Variants in TLCD4 observed in about 807,000 individuals in gnomAD.
TLCD4 encodes the protein TLC domain containing 4.
TLCD4 carries 7 observed loss-of-function variants against 24.2 expected under a neutral mutation model. The ratio of observed to expected loss-of-function variants is 0.29; its 90% CI spans 0.16 to 0.54. The LOEUF (loss-of-function observed/expected upper bound fraction) is 0.54. TLCD4 is among the 20% of genes least tolerant of loss of function. The pLI, the probability that TLCD4 is intolerant of heterozygous loss-of-function variation, is 0.95. For synonymous variants in TLCD4, 103 were observed against 106.4 expected, an observed-to-expected ratio of 0.97 and a Z score of 0.20; for missense variants, 259 against 313.9, an observed-to-expected ratio of 0.82 and a Z score of 1.32.
chr1:95,119,826 A>C (rs1372828644), intron 1 of TLCD4, among the ~76,000 whole-genome samples: 1 of 151,756 alleles, frequency 6.6e-6, no homozygotes, highest in Non-Finnish European at 1.5e-5. Flanking sequence ...CTTCTTTCCA[A>C]ATTAGTCCCA....
intron 6 of TLCD4, among the ~76,000 whole-genome samples, chr1:95,174,488 T>C (rs1392199167): frequency 1.4e-5 from 2 of 144,214 alleles, no homozygotes; most frequent in Non-Finnish European, 3.0e-5. Context: ...CTGGGTAACA[T>C]TGTGAGATCC....
At chr1:95,183,454 C>T (rs1678717184) in intron 6 of TLCD4, among the ~76,000 whole-genome samples, 1 of 152,094 alleles carries the variant, frequency 6.6e-6, no homozygotes, top group African/African-American at 2.4e-5. Context: ...TTAGTGAGAG[C>T]TCGAGAGAGG....
chr1:95,196,980 T>C lies in TLCD4; in HGVS notation c.*5112T>C, dbSNP rs1003213508. ...TTTTTGGTATTAGAATTTGTAATAA[T>C]AATGACTTTTAGATTTTATTTGAAA... On this transcript the variant is annotated 3_prime_UTR_variant, in exon 7 of 7. Coordinates refer to ENST00000370203, the MANE Select transcript of TLCD4 (RefSeq NM_152487.3). 6.6e-6 allele frequency: 1 copy of C among 152,140 alleles called. No homozygotes were observed. The highest frequency in any genetic ancestry group is 1.5e-5 in the Non-Finnish European group (1 of 67,984). The allele number at this position is 152,140 out of a possible 1,614,324, so 9.4% of individuals were successfully genotyped here.
At chr1:95,133,807 A>T (rs1034834914) in intron 1 of TLCD4, among the ~76,000 whole-genome samples, 1 of 152,034 alleles carries the variant, frequency 6.6e-6, no homozygotes, top group Non-Finnish European at 1.5e-5. Flanking sequence ...CATGTGTGAC[A>T]TTCTGCAACA....
At chr1:95,128,319 G>A (rs1411616978) in intron 1 of TLCD4, among the ~76,000 whole-genome samples, 2 of 151,778 alleles carry the variant, frequency 1.3e-5, no homozygotes, top group Non-Finnish European at 2.9e-5. Flanking sequence ...CAAACCCCAA[G>A]TAAAGGAATA....
At chr1:95,165,827 T>C (rs1678001663) in intron 5 of TLCD4, among the ~76,000 whole-genome samples, 1 of 152,224 alleles carries the variant, frequency 6.6e-6, no homozygotes. Flanking sequence ...AGAGAACCAT[T>C]GTGTAACTGG....
chr1:95,122,282 C>T (rs1315873600), intron 1 of TLCD4, among the ~76,000 whole-genome samples: 1 of 152,200 alleles, frequency 6.6e-6, no homozygotes, highest in African/African-American at 2.4e-5. Context: ...ATCGCTTGAA[C>T]CTGGGGGCAG....
intron 5 of TLCD4, among the ~76,000 whole-genome samples, chr1:95,170,620 C>T (rs779607035): frequency 3.9e-5 from 6 of 152,066 alleles, no homozygotes; most frequent in African/African-American, 9.7e-5. Flanking sequence ...TGAGCCACTG[C>T]GCCCAGCCAT....
chr1:95,169,645 T>A (rs11490911), intron 5 of TLCD4, among the ~76,000 whole-genome samples: 2 of 147,678 alleles, frequency 1.4e-5, no homozygotes, highest in Non-Finnish European at 3.0e-5. Flanking sequence ...ATTTTTTTTT[T>A]ATTTTTAAAG....
chr1:95,107,151 C>T, the TLCD4 span, among the ~76,000 whole-genome samples: 217 of 152,120 alleles, frequency 1.4e-3, 1 homozygote, highest in Non-Finnish European at 2.4e-3. Flanking sequence ...AGGCCGGGCG[C>T]GGTGGCTCAC....
chr1:95,144,132 G>A lies in TLCD4; in HGVS notation c.155+76G>A, dbSNP rs1470336010. On this transcript the variant is annotated intron_variant, in intron 2 of 6. Coordinates refer to ENST00000370203, the MANE Select transcript of TLCD4 (RefSeq NM_152487.3). ...AAATTATTTAAAATATTTCAAAAAA[G>A]TATTTCATTTAGGATCTAATGTAAG... 3.2e-6 allele frequency: 4 copies of A among 1,258,398 alleles called. No homozygotes were observed. The African/African-American group carries it at 6.2e-5, about 20-fold the overall frequency. The allele number at this position is 1,258,398 out of a possible 1,614,324, so 78.0% of individuals were successfully genotyped here. A position where few individuals can be genotyped will look rare whatever the true frequency, so the allele number is the denominator to read the frequency against.
chr1:95,174,703 A>T (rs1045395747), intron 6 of TLCD4, among the ~76,000 whole-genome samples: 4 of 152,050 alleles, frequency 2.6e-5, no homozygotes, highest in African/African-American at 9.7e-5. Flanking sequence ...TTTTTAAAAG[A>T]CTACTTTTAT....
At chr1:95,102,869 T>C in the TLCD4 span, among the ~76,000 whole-genome samples, 1 of 152,096 alleles carries the variant, frequency 6.6e-6, no homozygotes, top group Non-Finnish European at 1.5e-5. Flanking sequence ...CAGCAAGAGC[T>C]AATTGAGAAA....
chr1:95,099,053 CA>C, the TLCD4 span, among the ~76,000 whole-genome samples: 20 of 70,658 alleles, frequency 2.8e-4, no homozygotes, highest in Admixed American at 6.8e-4. Context: ...AACTCTGTCT[CA>C]AAAAAAAAAA....
intron 5 of TLCD4, among the ~76,000 whole-genome samples, chr1:95,157,594 G>T (rs546905370): frequency 6.6e-6 from 1 of 152,318 alleles, no homozygotes; most frequent in Admixed American, 6.5e-5. Context: ...AGCCAGTTGG[G>T]CAGTCTTGCT....
At chr1:95,170,727 A>T (rs1678182324) in intron 5 of TLCD4, among the ~76,000 whole-genome samples, 1 of 152,118 alleles carries the variant, frequency 6.6e-6, no homozygotes, top group African/African-American at 2.4e-5. Context: ...TCCCCTCAAG[A>T]GTCATATTTT....
chr1:95,170,346 T>TC (rs1457957485), intron 5 of TLCD4, among the ~76,000 whole-genome samples: 1 of 151,072 alleles, frequency 6.6e-6, no homozygotes, highest in Non-Finnish European at 1.5e-5. Context: ...TTTTTTTTTT[T>TC]TTGAGAAGAG....
intron 1 of TLCD4, among the ~76,000 whole-genome samples, chr1:95,121,557 G>A (rs1676569887): frequency 1.3e-5 from 2 of 152,294 alleles, no homozygotes; most frequent in Non-Finnish European, 1.5e-5. Flanking sequence ...TGCAACTTCC[G>A]CCTCCCGGCT....
At chr1:95,138,649 A>G (rs1677110998) in intron 1 of TLCD4, 1 of 152,222 alleles carries the variant, frequency 6.6e-6, no homozygotes. Context: ...TACTGAATAC[A>G]TTGTGTAGGC....
Sources: gnomAD v4.1 joint callset for allele counts (sites outside exome capture counted in the v4.1 genomes callset) on GRCh38, gnomAD v4.1.1 for gene constraint, MANE v1.5 for transcripts, NCBI Gene and HGNC (gene_info 2026-07-23, HGNC 2026-07-21) for gene names.